The following SNX25 variants were observed in gnomAD, a reference collection of about 807,000 sequenced individuals.
SNX25 encodes the protein sorting nexin 25.
A neutral mutation model predicts 113.7 loss-of-function variants in SNX25; 62 were observed. The ratio of observed to expected loss-of-function variants is 0.55; its 90% CI spans 0.44 to 0.67. The LOEUF (loss-of-function observed/expected upper bound fraction) is 0.67. Ranked by LOEUF, SNX25 falls within the 30% of genes least tolerant of loss-of-function variation. The pLI, the probability that SNX25 is intolerant of heterozygous loss-of-function variation, is 0.00. For synonymous variants in SNX25, 421 were observed against 436.2 expected, an observed-to-expected ratio of 0.97 and a Z score of 0.43; for missense variants, 1,014 against 1,161.0, an observed-to-expected ratio of 0.87 and a Z score of 1.84.
intron 7 of SNX25, among the ~76,000 whole-genome samples, chr4:185,314,836 G>A (rs1205732634): frequency 1.7e-5 from 2 of 119,256 alleles, no homozygotes; most frequent in East Asian, 5.2e-4. Flanking sequence ...CAAGCCTGGC[G>A]ACAAAGTGAG....
rs1004711018 is a variant in SNX25, at chr4:185,309,552, C to T, written c.1163-1083C>T. 2.6e-5 allele frequency among the ~76,000 whole-genome samples: 4 copies of T among 152,332 alleles called. No homozygotes were observed. In the South Asian group the frequency reaches 8.3e-4, roughly 32 times the overall value. On this transcript the variant is annotated intron_variant, in intron 6 of 18. Transcript: ENST00000652585. ...AGCTTAGTAATTGGCCCCACCATCCCTCTGGCTTCTCATGTTGGAAACCTA... is the reference window on the plus strand; with the variant it reads ...AGCTTAGTAATTGGCCCCACCATCCTTCTGGCTTCTCATGTTGGAAACCTA...
intron 1 of SNX25, among the ~76,000 whole-genome samples, chr4:185,211,467 C>G (rs998460718): frequency 6.6e-6 from 1 of 152,204 alleles, no homozygotes. Flanking sequence ...TATGTCTCTC[C>G]TCTTTTTTTC....
chr4:185,377,878 ACTAT>A, the SNX25 span: 1 of 507,552 alleles, frequency 2.0e-6, no homozygotes, highest in Non-Finnish European at 3.5e-6. Context: ...TCAAGACCTA[ACTAT>A]CTGTGAGACC....
chr4:185,373,133 A>G (rs185869063), downstream of SNX25: 1 of 1,473,134 alleles, frequency 6.8e-7, no homozygotes, highest in East Asian at 2.3e-5. Context: ...ATGAAATTAT[A>G]AGGGAATACT....
At chr4:185,378,314 C>G in the SNX25 span, 1 of 1,479,724 alleles carries the variant, frequency 6.8e-7, no homozygotes, top group Middle Eastern at 1.8e-4. Flanking sequence ...ATCCTTCTCT[C>G]ATCGCCTAGA....
intron 1 of SNX25, among the ~76,000 whole-genome samples, chr4:185,215,761 CTG>C (rs1452312416): frequency 1.3e-5 from 2 of 150,878 alleles, no homozygotes; most frequent in Non-Finnish European, 3.0e-5. Context: ...TAAATCCTAT[CTG>C]TGGTATAAGC....
the SNX25 span, chr4:185,375,717 C>T: frequency 1.3e-6 from 2 of 1,598,040 alleles, no homozygotes; most frequent in Admixed American, 3.4e-5. Context: ...AATGCTTCTT[C>T]ATACCATCCC....
At chr4:185,301,390 A>G (rs547223904) in intron 6 of SNX25, among the ~76,000 whole-genome samples, 1 of 151,480 alleles carries the variant, frequency 6.6e-6, no homozygotes, top group East Asian at 1.9e-4. Flanking sequence ...CTTTTTTTTT[A>G]TTACCTTTGT....
downstream of SNX25, among the ~76,000 whole-genome samples, chr4:185,368,073 G>C (rs1014305574): frequency 6.6e-6 from 1 of 152,170 alleles, no homozygotes; most frequent in South Asian, 2.1e-4. Flanking sequence ...AGCTACTCGG[G>C]AGGCTGAGCC....
chr4:185,315,005 G>A (rs2095060595), intron 7 of SNX25, among the ~76,000 whole-genome samples: 1 of 151,374 alleles, frequency 6.6e-6, no homozygotes, highest in Non-Finnish European at 1.5e-5. Context: ...GAGGCGGGCG[G>A]ATCACGAGGT....
chr4:185,268,084 A>G (rs1748392951), intron 5 of SNX25, among the ~76,000 whole-genome samples: 1 of 152,168 alleles, frequency 6.6e-6, no homozygotes, highest in Non-Finnish European at 1.5e-5. Flanking sequence ...TGCAGTTCAA[A>G]CCTATGTTTT....
intron 9 of SNX25, among the ~76,000 whole-genome samples, chr4:185,329,858 C>T (rs1019482385): frequency 3.3e-5 from 5 of 152,024 alleles, no homozygotes; most frequent in African/African-American, 1.2e-4. Context: ...TAGTTGTCTT[C>T]CTCACGCAAA....
intron 1 of SNX25, among the ~76,000 whole-genome samples, chr4:185,212,491 G>GTTTCTGTTTTTTTTT (rs1553980597): frequency 1.0e-4 from 11 of 104,942 alleles, no homozygotes; most frequent in African/African-American, 4.1e-4. Flanking sequence ...GTGTGTGTGT[G>GTTTCTGTTTTTTTTT]TTTTTTTTTT....
intron 7 of SNX25, among the ~76,000 whole-genome samples, chr4:185,319,463 T>A (rs13116396): frequency 6.6e-6 from 1 of 150,796 alleles, no homozygotes; most frequent in Non-Finnish European, 1.5e-5. Flanking sequence ...CCTGCCACAG[T>A]GCTGGGATTA....
intron 1 of SNX25, among the ~76,000 whole-genome samples, chr4:185,239,375 C>T (rs918944787): frequency 4.6e-5 from 7 of 151,994 alleles, no homozygotes; most frequent in Admixed American, 2.0e-4. Flanking sequence ...CCCAGCTACT[C>T]GGGAGGCTGA....
At position 185,293,028 on chromosome 4, in the gene SNX25, G is replaced by A. The variant is rs117868703; in HGVS notation, c.1162+4946G>A. On this transcript the variant is annotated intron_variant, in intron 6 of 18. Transcript: ENST00000652585. ...TGCAAATCATGTATCTGATAAAAAG[G>A]TTGTATCCATAACATATAAAGAACT... Among the ~76,000 whole-genome samples, 139 of 152,326 alleles carry A rather than the reference G, an allele frequency of 9.1e-4. 5 individuals are homozygous for A. The East Asian group carries it at 0.023, about 25-fold the overall frequency.
chr4:185,346,760 T>C lies in SNX25; in HGVS notation c.2301+110T>C, dbSNP rs535182621. The C allele has an allele frequency of 1.1e-3, 700 of 653,958 alleles. 2 individuals carry two copies. The highest frequency in any genetic ancestry group is 0.01 in the African/African-American group (547 of 52,402). 40.5% of individuals were successfully genotyped at this position (653,958 alleles called of 1,614,324 possible). A position where few individuals can be genotyped will look rare whatever the true frequency, so the allele number is the denominator to read the frequency against. ...TGCTTTTTGTTCTCACAAGCCATGC[T>C]AGATGCTAAAAAAATATCTTGGGTG... On this transcript the variant is annotated intron_variant, in intron 13 of 18. Transcript: ENST00000652585.
chr4:185,266,314 A>T lies in SNX25; in HGVS notation c.905-655A>T, dbSNP rs181018708. Among the ~76,000 whole-genome samples the T allele has an allele frequency of 4.2e-3, 638 of 152,236 alleles. 2 individuals are homozygous for T. Among genetic ancestry groups the T allele is most frequent in the Non-Finnish European group, 7.1e-3 (480 of 68,028 alleles). ...TTGTCAAAACGTATTGAGCCTTATA[A>T]AATAAGTAAAAGAAAAAAATCAGTG... On this transcript the variant is annotated intron_variant, in intron 4 of 18. Coordinates refer to ENST00000652585, the MANE Select transcript of SNX25 (RefSeq NM_001378034.2).
At chr4:185,335,691 G>A (rs907928809) in intron 10 of SNX25, among the ~76,000 whole-genome samples, 1 of 152,124 alleles carries the variant, frequency 6.6e-6, no homozygotes, top group Non-Finnish European at 1.5e-5. Context: ...GATTTTGTGA[G>A]TCTGGAGCAA....
Sources: allele counts gnomAD v4.1 joint callset (sites outside exome capture counted in the v4.1 genomes callset), GRCh38; gene constraint gnomAD v4.1.1; transcripts MANE v1.5; gene names NCBI Gene and HGNC (gene_info 2026-07-23, HGNC 2026-07-21).